ROS1: variants seen among roughly 807,000 people sequenced by gnomAD.
The protein encoded by ROS1 is ROS proto-oncogene 1, receptor tyrosine kinase, also known as proto-oncogene tyrosine-protein kinase ROS.
Under a neutral mutation model 273.5 loss-of-function variants are expected in ROS1, and 263 were observed. That is an observed-to-expected ratio of 0.96 (90% CI 0.87 to 1.06). The LOEUF (loss-of-function observed/expected upper bound fraction) is 1.06, where lower values mean the gene tolerates loss of function less well. Among genes scored for constraint, ROS1 ranks in the 50% least tolerant of loss-of-function variants. ROS1 has a pLI of 0.00. For missense variants in ROS1, 2,833 were observed against 2,751.1 expected (o/e 1.03, Z -0.67); for synonymous variants, 1,008 against 954.1 (o/e 1.06, Z -1.04).
At position 117,287,921 on chromosome 6, in the gene ROS1, A is replaced by G. The variant is rs1773551230; in HGVS notation, c.*571T>C. Among the ~76,000 whole-genome samples the G allele has an allele frequency of 1.3e-5, 1 of 75,642 alleles. No individual in the cohort carries two copies. Among genetic ancestry groups the G allele is most frequent in the Admixed American group, 1.0e-4 (1 of 9,802 alleles). The allele number at this position is 75,642 out of a possible 152,430, so 49.6% of individuals were successfully genotyped here. On this transcript the variant is annotated 3_prime_UTR_variant, in exon 44 of 44. Transcript: ENST00000368507. ...CAACAGAGCAAGACTTCGTCTCAAA[A>G]AAAAAAAAAAAAAATTAAAAAAAGA... is the stretch of plus-strand genomic sequence containing the variant.
chr6:117,396,618 T>C (rs1773509470), intron 8 of ROS1, among the ~76,000 whole-genome samples: 1 of 152,238 alleles, frequency 6.6e-6, no homozygotes, highest in South Asian at 2.1e-4. Context: ...TCCTTACTTT[T>C]TTCATATTGG....
In ROS1 at chr6:117,404,352, T is replaced by C; in HGVS notation, c.393A>G (p.Ala131=). ...TGATGTATTTTACTCCAGAGAAGTT[T>C]GCAGATTTCCATCGTAATGTCATAT... is the stretch of plus-strand genomic sequence containing the variant. ...SHNMTLRWKS[A]NFSGVKYIIQ... The change falls in exon 6 of 44, where the codon GCA becomes GCG. Residue 131 remains alanine (A), a synonymous_variant. Coordinates refer to ENST00000368507, the MANE Select transcript of ROS1 (RefSeq NM_001378902.1). 6.2e-7 allele frequency: 1 copy of C among 1,614,006 alleles called. No individual in the cohort carries two copies. Among genetic ancestry groups the C allele is most frequent in the Non-Finnish European group, 8.5e-7 (1 of 1,179,862 alleles).
chr6:117,345,715 G>A (rs1778322384), intron 27 of ROS1, among the ~76,000 whole-genome samples: 1 of 152,148 alleles, frequency 6.6e-6, no homozygotes, highest in Non-Finnish European at 1.5e-5. Flanking sequence ...GGTTACTCCA[G>A]CTCTTCTGTA....
Position 117,287,603 on chromosome 6 carries a change from A to T in ROS1, c.*889T>A, listed in dbSNP as rs879897388. Among the ~76,000 whole-genome samples the T allele has an allele frequency of 7.2e-5, 11 of 152,194 alleles. No homozygotes were observed. The highest frequency in any genetic ancestry group is 1.0e-4 in the Non-Finnish European group (7 of 68,034). ...CTACTGTTGTAAGCCTCAAAACTAC[A>T]AAATATTTTACAGTAGTGATTAAAG... is the stretch of plus-strand genomic sequence containing the variant. On this transcript the variant is annotated 3_prime_UTR_variant, in exon 44 of 44. Transcript: ENST00000368507.
chr6:117,393,591 T>A (rs1241538885), intron 11 of ROS1, among the ~76,000 whole-genome samples: 1 of 152,226 alleles, frequency 6.6e-6, no homozygotes, highest in African/African-American at 2.4e-5. Context: ...AAGCGATATC[T>A]AGGTTTATGC....
intron 20 of ROS1, 98 bp downstream of exon 20, chr6:117,365,483 C>A: frequency 9.7e-7 from 1 of 1,036,002 alleles, no homozygotes; most frequent in South Asian, 1.4e-5. Context: ...AGAAGATGGG[C>A]TTGGCTAAGT....
intron 31 of ROS1, among the ~76,000 whole-genome samples, chr6:117,339,401 T>C (rs1777739925): frequency 6.6e-6 from 1 of 152,084 alleles, no homozygotes; most frequent in Non-Finnish European, 1.5e-5. Flanking sequence ...AGAGACAAAG[T>C]TTATCATTTT....
chr6:117,300,810 T>C (rs1251762463), intron 43 of ROS1, among the ~76,000 whole-genome samples, 164 bp downstream of exon 43: 1 of 152,216 alleles, frequency 6.6e-6, no homozygotes, highest in Non-Finnish European at 1.5e-5. Flanking sequence ...ATAATACAAA[T>C]AATTTTCAAA....
Position 117,362,506 on chromosome 6 carries a change from G to A in ROS1, c.3366+97C>T, listed in dbSNP as rs960669815. The A allele has an allele frequency of 1.1e-5, 13 of 1,132,508 alleles. No homozygotes were observed. In the African/African-American group the frequency reaches 2.0e-4, roughly 18 times the overall value. 70.2% of individuals were successfully genotyped at this position (1,132,508 alleles called of 1,614,324 possible). The stretch of plus-strand genomic sequence containing the variant: ...GGCCAATCAAAATCTAGGTATGTGT[G>A]CCATTTACACTGTAACATATCCCAG... On this transcript the variant is annotated intron_variant, in intron 22 of 43. Coordinates refer to ENST00000368507, the MANE Select transcript of ROS1 (RefSeq NM_001378902.1).
At chr6:117,394,846 A>G in intron 9 of ROS1, 108 bp from the exon 10 acceptor site, 1 of 977,710 alleles carries the variant, frequency 1.0e-6, no homozygotes, top group African/African-American at 1.6e-5. Context: ...AGTGCTTGAA[A>G]GAGGCTGGTC....
chr6:117,362,860 A>G lies in ROS1; in HGVS notation c.3109T>C (p.Ser1037Pro). 6.2e-7 allele frequency: 1 copy of G among 1,609,536 alleles called. No individual in the cohort carries two copies. The highest frequency in any genetic ancestry group is 8.5e-7 in the Non-Finnish European group (1 of 1,177,912). The stretch of plus-strand genomic sequence containing the variant: ...AATATTCTGGGGTTCTCTGGTGCTG[A>G]TGGAACTGAAAAGTAGAGGCACAGG... ...LSLRAPETVP[S>P]APENPRIFIL... The change falls in exon 22 of 44, where the codon TCA becomes CCA. Residue 1037 changes from serine to proline, a missense_variant. Ser to Pro is a moderately conservative substitution (Grantham distance 74). Transcript: ENST00000368507.
chr6:117,365,782 G>A lies in ROS1; in HGVS notation c.2798-41C>T, dbSNP rs779006608. On this transcript the variant is annotated intron_variant, in intron 19 of 43. Coordinates refer to ENST00000368507, the MANE Select transcript of ROS1 (RefSeq NM_001378902.1). ...AAAAAAAGAAATAGGAGAAAAAAATGGGGATTATTGACCAATATAGAAATC... is the reference window on the plus strand; with the variant it reads ...AAAAAAAGAAATAGGAGAAAAAAATAGGGATTATTGACCAATATAGAAATC... 2.9e-6 allele frequency: 4 copies of A among 1,382,202 alleles called. No homozygotes were observed. In the African/African-American group the frequency reaches 4.4e-5, roughly 15 times the overall value. The allele number at this position is 1,382,202 out of a possible 1,614,324, so 85.6% of individuals were successfully genotyped here.
rs754956947 is a variant in ROS1 at position 117,365,682 on chromosome 6, T to A, written c.2857A>T (p.Ile953Phe). 1 of 1,611,904 alleles carries A rather than the reference T, an allele frequency of 6.2e-7. No homozygotes were observed. The highest frequency in any genetic ancestry group is 1.1e-5 in the South Asian group (1 of 90,876). Residue 953 changes from isoleucine (I) to phenylalanine (F), a missense_variant, in exon 20 of 44, where the codon ATT becomes TTT. Physicochemically the swap from Ile to Phe is conservative, Grantham distance 21 (BLOSUM62 0). Coordinates refer to ENST00000368507, the MANE Select transcript of ROS1 (RefSeq NM_001378902.1). ...TGAAAACTTGAAGCATTTCCTTCAA[T>A]CCTAAATGAAGACTCTTGAACAGAA... ...PDSVQESSFR[I>F]EGNASSFQIL...
intron 40 of ROS1, 101 bp downstream of exon 40, chr6:117,310,919 A>G: frequency 1.5e-6 from 1 of 657,242 alleles, no homozygotes; most frequent in Admixed American, 3.0e-5. Context: ...TGCTAGTTTG[A>G]AGGAATTAAA....
intron 43 of ROS1, among the ~76,000 whole-genome samples, chr6:117,292,063 A>G (rs527937130): frequency 6.6e-6 from 1 of 150,992 alleles, no homozygotes; most frequent in Non-Finnish European, 1.5e-5. Flanking sequence ...TCTGCCTCCC[A>G]GGTTCACGCC....
chr6:117,420,896 T>A (rs1450079503), intron 1 of ROS1, among the ~76,000 whole-genome samples: 1 of 149,552 alleles, frequency 6.7e-6, no homozygotes, highest in Admixed American at 6.6e-5. Flanking sequence ...AACAATAATA[T>A]CCTCAGATAA....
At position 117,324,406 on chromosome 6, in the gene ROS1, C is replaced by CA. The variant is rs754948843; in HGVS notation, c.5548dup (p.Trp1850LeufsTer29). 1 of 1,373,012 alleles carries CA rather than the reference C, an allele frequency of 7.3e-7. No homozygotes were observed. The highest frequency in any genetic ancestry group is 1.2e-5 in the South Asian group (1 of 81,234). 85.1% of individuals were successfully genotyped at this position (1,373,012 alleles called of 1,614,324 possible). On this transcript the variant is annotated frameshift_variant, in exon 35 of 44. Transcript: ENST00000368507. LOFTEE classifies it high-confidence loss of function. ...AAGTATGAAACTTGTTTCTGGTATC[C>CA]AAAAATCATCTAATAATATAAATCA...
intron 31 of ROS1, among the ~76,000 whole-genome samples, chr6:117,338,365 G>A (rs1777630965): frequency 6.6e-6 from 1 of 151,900 alleles, no homozygotes; most frequent in Non-Finnish European, 1.5e-5. Flanking sequence ...TAAGGGAATG[G>A]AAGGAATGAA....
intron 13 of ROS1, 91 bp from the exon 14 acceptor site, chr6:117,388,083 C>A: frequency 6.3e-7 from 1 of 1,579,148 alleles, no homozygotes. Flanking sequence ...ACAGCCTCAT[C>A]TCAAATGGGA....
Sources: gnomAD v4.1 joint callset for allele counts (sites outside exome capture counted in the v4.1 genomes callset) on GRCh38, gnomAD v4.1.1 for gene constraint, MANE v1.5 for transcripts, NCBI Gene and HGNC (gene_info 2026-07-23, HGNC 2026-07-21) for gene names.